Variants in TENM3 observed in about 807,000 individuals in gnomAD.
TENM3 encodes the protein teneurin-3.
Under a neutral mutation model 255.1 loss-of-function variants are expected in TENM3, and 63 were observed. The observed-to-expected ratio is 0.25, with a 90% confidence interval of 0.20 to 0.30. The LOEUF (loss-of-function observed/expected upper bound fraction) is 0.30, where lower values mean the gene tolerates loss of function less well. TENM3 is among the 10% of genes least tolerant of loss of function. The pLI, the probability that TENM3 is intolerant of heterozygous loss-of-function variation, is 1.00. For synonymous variants in TENM3, 1,306 were observed against 1,322.3 expected (o/e 0.99, Z 0.27); for missense variants, 2,929 against 3,461.1 (o/e 0.85, Z 3.86).
the TENM3 span, among the ~76,000 whole-genome samples, chr4:181,889,942 C>T: frequency 6.6e-6 from 1 of 152,160 alleles, no homozygotes; most frequent in African/African-American, 2.4e-5. Flanking sequence ...ATAATTTCTC[C>T]ATGAATGTTA....
chr4:182,597,805 A>C (rs1166647631), intron 3 of TENM3, among the ~76,000 whole-genome samples: 1 of 152,148 alleles, frequency 6.6e-6, no homozygotes, highest in Non-Finnish European at 1.5e-5. Context: ...CATGTTTTGT[A>C]AGCCCAAATC....
chr4:181,681,370 G>A, the TENM3 span, among the ~76,000 whole-genome samples: 1 of 152,016 alleles, frequency 6.6e-6, no homozygotes, highest in Non-Finnish European at 1.5e-5. Context: ...TCACAGGCAG[G>A]TGTAAAGAAC....
intron 16 of TENM3, among the ~76,000 whole-genome samples, chr4:182,735,890 CACTG>C (rs375401311): frequency 2.4e-4 from 37 of 152,258 alleles, no homozygotes; most frequent in African/African-American, 7.7e-4. Flanking sequence ...TGTCAGCATA[CACTG>C]ACTGGTAATC....
the TENM3 span, among the ~76,000 whole-genome samples, chr4:181,871,925 G>A: frequency 2.2e-4 from 33 of 152,066 alleles, no homozygotes; most frequent in African/African-American, 7.7e-4. Context: ...TTGATCATAA[G>A]GTATGGCTAT....
At chr4:182,655,651 G>A (rs76094826) in intron 6 of TENM3, among the ~76,000 whole-genome samples, 2,503 of 152,246 alleles carry the variant, frequency 0.016, 65 homozygotes, top group African/African-American at 0.057. Context: ...GGCAGCTGTG[G>A]AATGGGCTGC....
the TENM3 span, among the ~76,000 whole-genome samples, chr4:181,964,436 T>G: frequency 6.6e-6 from 1 of 152,188 alleles, no homozygotes; most frequent in Non-Finnish European, 1.5e-5. Flanking sequence ...TCATACACGT[T>G]CTGTTTGAAG....
At chr4:181,827,415 A>G in the TENM3 span, among the ~76,000 whole-genome samples, 1 of 152,234 alleles carries the variant, frequency 6.6e-6, no homozygotes, top group Non-Finnish European at 1.5e-5. Flanking sequence ...CGGCAGAGCC[A>G]GAAGCCAGCG....
intron 1 of TENM3, among the ~76,000 whole-genome samples, chr4:182,293,205 A>G (rs926687589): frequency 2.0e-5 from 3 of 152,214 alleles, no homozygotes; most frequent in African/African-American, 7.2e-5. Context: ...GTCCATAGTC[A>G]GGGCATGGAC....
At chr4:182,036,283 C>T in the TENM3 span, among the ~76,000 whole-genome samples, 2 of 152,234 alleles carry the variant, frequency 1.3e-5, no homozygotes, top group South Asian at 4.1e-4. Context: ...CTCCACCTCC[C>T]AGGTTCAAGT....
At chr4:182,383,087 A>G (rs552778273) in intron 3 of TENM3, among the ~76,000 whole-genome samples, 4 of 152,314 alleles carry the variant, frequency 2.6e-5, no homozygotes, top group Non-Finnish European at 5.9e-5. Context: ...CTCAACCTCA[A>G]TTATGGAACG....
chr4:181,609,517 C>A, the TENM3 span, among the ~76,000 whole-genome samples: 1 of 152,220 alleles, frequency 6.6e-6, no homozygotes, highest in Admixed American at 6.5e-5. Flanking sequence ...AAAGAATGCA[C>A]AGCCCCATGA....
At chr4:182,707,277 A>G (rs192736143) in intron 12 of TENM3, among the ~76,000 whole-genome samples, 183 of 152,302 alleles carry the variant, frequency 1.2e-3, no homozygotes, top group Non-Finnish European at 6.9e-4. Flanking sequence ...GGCGCCCAGA[A>G]TGTTGATAGA....
the TENM3 span, among the ~76,000 whole-genome samples, chr4:181,811,226 A>G: frequency 2.6e-5 from 4 of 152,210 alleles, no homozygotes; most frequent in African/African-American, 7.2e-5. Flanking sequence ...CTACCCTAAG[A>G]ATTGAATACC....
At chr4:181,454,556 G>C in the TENM3 span, among the ~76,000 whole-genome samples, 1 of 146,740 alleles carries the variant, frequency 6.8e-6, no homozygotes, top group African/African-American at 2.5e-5. Context: ...GTCCAGTACT[G>C]TAAGCTCCAT....
intron 3 of TENM3, among the ~76,000 whole-genome samples, chr4:182,510,856 A>T (rs1449627873): frequency 6.6e-6 from 1 of 152,188 alleles, no homozygotes; most frequent in African/African-American, 2.4e-5. Flanking sequence ...ATCTGAGCGC[A>T]TCCTGCACAC....
chr4:182,767,491 T>G (rs1763818003), intron 22 of TENM3, among the ~76,000 whole-genome samples: 1 of 152,144 alleles, frequency 6.6e-6, no homozygotes, highest in Non-Finnish European at 1.5e-5. Flanking sequence ...TTTGTTGTTG[T>G]TGGCCGTTAA....
chr4:182,468,167 G>A (rs1047785537), intron 3 of TENM3, among the ~76,000 whole-genome samples: 4 of 152,140 alleles, frequency 2.6e-5, no homozygotes, highest in African/African-American at 9.7e-5. Flanking sequence ...TGGGAGGATC[G>A]CTTGAGCCCA....
chr4:182,091,995 T>C, the TENM3 span, among the ~76,000 whole-genome samples: 21 of 152,200 alleles, frequency 1.4e-4, no homozygotes, highest in African/African-American at 4.1e-4. Context: ...TCCTGTGACC[T>C]GGCAGTTGGG....
the TENM3 span, among the ~76,000 whole-genome samples, chr4:181,757,604 C>T: frequency 6.6e-6 from 1 of 152,168 alleles, no homozygotes; most frequent in African/African-American, 2.4e-5. Flanking sequence ...CAGGCTTTAA[C>T]AAGCTGGTGT....
Sources: gnomAD v4.1 joint callset for allele counts (sites outside exome capture counted in the v4.1 genomes callset) on GRCh38, gnomAD v4.1.1 for gene constraint, MANE v1.5 for transcripts, NCBI Gene and HGNC (gene_info 2026-07-23, HGNC 2026-07-21) for gene names.